Variants in UBE3C observed in about 807,000 individuals in gnomAD.
UBE3C encodes ubiquitin-protein ligase E3C.
In UBE3C, 42 loss-of-function variants were observed where a neutral mutation model predicts 129.4. The ratio of observed to expected loss-of-function variants is 0.32; its 90% CI spans 0.25 to 0.42. The LOEUF is 0.42. Ranked by LOEUF, UBE3C falls within the 10% of genes least tolerant of loss-of-function variation. The pLI is 1.00. For synonymous variants in UBE3C, 510 were observed against 492.4 expected, an observed-to-expected ratio of 1.04 and a Z score of -0.47; for missense variants, 1,049 against 1,319.1, an observed-to-expected ratio of 0.80 and a Z score of 3.17.
At chr7:157,237,604 G>A (rs1005889651) in intron 18 of UBE3C, among the ~76,000 whole-genome samples, 4 of 152,172 alleles carry the variant, frequency 2.6e-5, no homozygotes, top group African/African-American at 9.7e-5. Context: ...TGAGAAGAAT[G>A]GATCAGTATG....
At chr7:157,172,988 G>A (rs946264411) in intron 4 of UBE3C, among the ~76,000 whole-genome samples, 5 of 152,240 alleles carry the variant, frequency 3.3e-5, no homozygotes, top group Admixed American at 2.0e-4. Context: ...TTTGACTTTC[G>A]GCCTCGAGCA....
chr7:157,223,959 A>C (rs1795805481), intron 16 of UBE3C, among the ~76,000 whole-genome samples: 1 of 152,094 alleles, frequency 6.6e-6, no homozygotes, highest in Admixed American at 6.5e-5. Flanking sequence ...TGAAAAAGCA[A>C]ATTTTTTGTG....
chr7:157,187,369 G>C (rs889978083), intron 10 of UBE3C, among the ~76,000 whole-genome samples: 2 of 147,072 alleles, frequency 1.4e-5, no homozygotes, highest in Non-Finnish European at 3.0e-5. Context: ...CATAGTACTC[G>C]TGTTTTATGG....
chr7:157,171,437 C>T (rs1202541011), intron 4 of UBE3C, among the ~76,000 whole-genome samples: 1 of 151,500 alleles, frequency 6.6e-6, no homozygotes, highest in Non-Finnish European at 1.5e-5. Flanking sequence ...CTTAGGGTCT[C>T]ATGTTTTTAA....
At chr7:157,206,734 A>G (rs1251770618) in intron 11 of UBE3C, among the ~76,000 whole-genome samples, 1 of 152,102 alleles carries the variant, frequency 6.6e-6, no homozygotes, top group Non-Finnish European at 1.5e-5. Context: ...GAAGGACTAC[A>G]GGCACCTATC....
intron 6 of UBE3C, among the ~76,000 whole-genome samples, chr7:157,181,281 T>G (rs1808658723): frequency 1.3e-5 from 2 of 152,216 alleles, no homozygotes; most frequent in Admixed American, 1.3e-4. Context: ...TAGACTTCCT[T>G]CCAAATGAGT....
chr7:157,232,724 A>G (rs1474286976), intron 18 of UBE3C, among the ~76,000 whole-genome samples: 3 of 152,240 alleles, frequency 2.0e-5, no homozygotes, highest in Non-Finnish European at 2.9e-5. Context: ...AATCAGAGCT[A>G]TAATCATTTT....
At chr7:157,151,372 C>T (rs1175032921) in intron 1 of UBE3C, among the ~76,000 whole-genome samples, 1 of 152,204 alleles carries the variant, frequency 6.6e-6, no homozygotes. Flanking sequence ...GCATTGTCAA[C>T]ATACATTTTG....
At chr7:157,238,744 G>T (rs1796218197) in intron 18 of UBE3C, among the ~76,000 whole-genome samples, 1 of 152,158 alleles carries the variant, frequency 6.6e-6, no homozygotes, top group Non-Finnish European at 1.5e-5. Flanking sequence ...GGGTGTAGGT[G>T]TCACTGGAGA....
At chr7:157,194,751 G>A (rs1809070060) in intron 10 of UBE3C, among the ~76,000 whole-genome samples, 1 of 152,188 alleles carries the variant, frequency 6.6e-6, no homozygotes, top group African/African-American at 2.4e-5. Flanking sequence ...GGAGGAAAAG[G>A]GGTCCTTGTT....
In UBE3C at chr7:157,189,177, C is replaced by G. The variant is rs114304619; in HGVS notation, c.1331+2156C>G. 1,242 of 389,548 alleles carry G rather than the reference C, an allele frequency of 3.2e-3. 14 individuals are homozygous for G. The highest frequency in any genetic ancestry group is 0.024 in the African/African-American group (1,147 of 48,636). 24.1% of individuals were successfully genotyped at this position (389,548 alleles called of 1,614,324 possible). On this transcript the variant is annotated intron_variant, in intron 10 of 22. Coordinates refer to ENST00000348165, the MANE Select transcript of UBE3C (RefSeq NM_014671.3). ...CTCGTGTCTGAATATGCCGAGGAAG[C>G]TGGGGCTGGAGCAGAAGTGCTCTTC...
chr7:157,191,796 AATAT>A (rs201970422), intron 10 of UBE3C, among the ~76,000 whole-genome samples: 17 of 152,320 alleles, frequency 1.1e-4, no homozygotes, highest in African/African-American at 3.8e-4. Flanking sequence ...TGTAGAATTA[AATAT>A]ATATACCGTC....
At chr7:157,192,383 A>G (rs1808992465) in intron 10 of UBE3C, 4 of 678,560 alleles carry the variant, frequency 5.9e-6, no homozygotes, top group Non-Finnish European at 8.2e-6. Flanking sequence ...GATTTCCATA[A>G]AAACCCTTAC....
chr7:157,156,708 CT>C (rs773149361), intron 1 of UBE3C, among the ~76,000 whole-genome samples: 28 of 119,934 alleles, frequency 2.3e-4, no homozygotes, highest in South Asian at 9.8e-4. Flanking sequence ...AAATTCCCTT[CT>C]TTTTAAAAAA....
intron 22 of UBE3C, among the ~76,000 whole-genome samples, chr7:157,266,036 C>T (rs1436072193): frequency 3.9e-5 from 6 of 152,184 alleles, no homozygotes; most frequent in Admixed American, 6.5e-5. Flanking sequence ...GAACTGGGGC[C>T]GGGCACGGTG....
chr7:157,233,486 C>T (rs1796076821), intron 18 of UBE3C, among the ~76,000 whole-genome samples: 1 of 152,076 alleles, frequency 6.6e-6, no homozygotes. Flanking sequence ...TGCCATGTTG[C>T]CCAGGCTGGT....
intron 22 of UBE3C, among the ~76,000 whole-genome samples, chr7:157,262,232 A>C (rs1317403305): frequency 1.3e-5 from 2 of 152,008 alleles, no homozygotes; most frequent in Non-Finnish European, 2.9e-5. Flanking sequence ...TTTGGTTCTC[A>C]TTCTAACATT....
Position 157,187,069 on chromosome 7 carries a change from T to C in UBE3C, c.1331+48T>C, listed in dbSNP as rs181449007. The C allele has an allele frequency of 1.5e-4, 236 of 1,526,288 alleles. 3 individuals are homozygous for C. The East Asian group carries it at 1.9e-3, about 12-fold the overall frequency. 94.5% of individuals were successfully genotyped at this position (1,526,288 alleles called of 1,614,324 possible). On this transcript the variant is annotated intron_variant, in intron 10 of 22. Coordinates refer to ENST00000348165, the MANE Select transcript of UBE3C (RefSeq NM_014671.3). ...GCCAGGGGGTGCCAGCCAGAGAACATACCTTCCTCCCTGGGAATTGCTCTC... is the reference window on the plus strand; with the variant it reads ...GCCAGGGGGTGCCAGCCAGAGAACACACCTTCCTCCCTGGGAATTGCTCTC...
At chr7:157,198,371 G>A in intron 10 of UBE3C, 1 of 751,020 alleles carries the variant, frequency 1.3e-6, no homozygotes, top group Admixed American at 1.8e-5. Flanking sequence ...TTTATTTCTT[G>A]ATATGTCATC....
Sources: allele counts gnomAD v4.1 joint callset (sites outside exome capture counted in the v4.1 genomes callset), GRCh38; gene constraint gnomAD v4.1.1; transcripts MANE v1.5; gene names NCBI Gene and HGNC (gene_info 2026-07-23, HGNC 2026-07-21).